MALRD1: variants seen among roughly 807,000 people sequenced by gnomAD.
The protein encoded by MALRD1 is MAM and LDL-receptor class A domain-containing protein 1.
Under a neutral mutation model 242.1 loss-of-function variants are expected in MALRD1, and 247 were observed. The observed-to-expected ratio is 1.02, with a 90% CI of 0.92 to 1.13. The LOEUF is 1.13. Among genes scored for constraint, MALRD1 ranks in the 50% most tolerant of loss-of-function variants. The probability of loss-of-function intolerance (pLI) is 0.00; values close to 1 mark genes in which losing one functional copy is unlikely to be tolerated. For synonymous variants in MALRD1, 995 were observed against 866.6 expected (o/e 1.15, Z -2.60); for missense variants, 2,989 against 2,533.1 (o/e 1.18, Z -3.86).
chr10:19,229,287 A>AT (rs376595070), intron 18 of MALRD1, among the ~76,000 whole-genome samples: 9 of 151,474 alleles, frequency 5.9e-5, no homozygotes, highest in East Asian at 1.9e-4. Flanking sequence ...TTATAGCTTT[A>AT]TTTTTTTTTC....
chr10:19,310,793 T>G (rs1254114612), intron 21 of MALRD1, among the ~76,000 whole-genome samples: 2 of 151,448 alleles, frequency 1.3e-5, no homozygotes, highest in Admixed American at 6.6e-5. Context: ...GAGTTCAAGA[T>G]CAACTTTCCT....
intron 28 of MALRD1, among the ~76,000 whole-genome samples, chr10:19,393,442 A>ATTTTTT (rs71387074): frequency 5.5e-5 from 6 of 110,038 alleles, no homozygotes; most frequent in East Asian, 5.2e-4. Context: ...GATGAGGTTA[A>ATTTTTT]TTTTTTTTTT....
At chr10:19,590,735 A>T (rs539750659) in intron 33 of MALRD1, among the ~76,000 whole-genome samples, 1 of 152,086 alleles carries the variant, frequency 6.6e-6, no homozygotes, top group East Asian at 1.9e-4. Context: ...GTATGTGGAT[A>T]CTTTATATTC....
intron 33 of MALRD1, among the ~76,000 whole-genome samples, chr10:19,588,786 C>A (rs6481990): frequency 0.59 from 89,232 of 151,930 alleles, 26,948 homozygotes; most frequent in African/African-American, 0.75. Flanking sequence ...GGGATTACAG[C>A]CACCCACTAC....
chr10:19,173,843 A>T (rs1462251006), intron 13 of MALRD1, among the ~76,000 whole-genome samples: 1 of 152,166 alleles, frequency 6.6e-6, no homozygotes, highest in African/African-American at 2.4e-5. Flanking sequence ...CTTATTTCTT[A>T]TACAGCATTT....
At chr10:19,195,543 A>G (rs765754950) in intron 14 of MALRD1, among the ~76,000 whole-genome samples, 15 of 152,152 alleles carry the variant, frequency 9.9e-5, no homozygotes, top group Non-Finnish European at 1.6e-4. Flanking sequence ...TGGATGTTTA[A>G]TTGGGATCTT....
intron 31 of MALRD1, among the ~76,000 whole-genome samples, chr10:19,530,385 T>TTTATATA (rs1564417186): frequency 1.2e-5 from 1 of 85,284 alleles, no homozygotes; most frequent in Non-Finnish European, 2.1e-5. Context: ...ATAAATATTA[T>TTTATATA]ATATTTATAT....
In MALRD1 at chr10:19,530,407, ATTT is replaced by A. The variant is rs1296944358; in HGVS notation, c.5321-786_5321-784del. ...TTATATATTTATATAAATATTATATATTTATATAATAATAAATATATAATATAT... is the reference window on the plus strand; with the variant it reads ...TTATATATTTATATAAATATTATATAATATAATAATAAATATATAATATAT... On this transcript the variant is annotated intron_variant, in intron 31 of 39. Transcript: ENST00000454679. 0.024 allele frequency among the ~76,000 whole-genome samples: 352 copies of A among 14,702 alleles called. 25 individuals carry two copies. In the East Asian group the frequency reaches 0.29, roughly 12 times the overall value. 9.6% of individuals were successfully genotyped at this position (14,702 alleles called of 152,430 possible).
chr10:19,283,030 T>A lies in MALRD1; in HGVS notation c.3268T>A (p.Cys1090Ser). Residue 1090 changes from cysteine to serine, a missense_variant, in exon 21 of 40, where the codon TGC (cysteine) becomes AGC (serine). Transcript: ENST00000454679. ...SDEASCVMEV[C>S]SFEKRSLCKW... Reference sequence around the variant, plus strand: ...CTACCCCATCCAAGTTATGGAAGTTTGCAGCTTTGAGAAAAGAAGCCTGTG... The same window carrying A: ...CTACCCCATCCAAGTTATGGAAGTTAGCAGCTTTGAGAAAAGAAGCCTGTG... The A allele has an allele frequency of 1.3e-6, 2 of 1,545,324 alleles. No individual in the cohort carries two copies. Among genetic ancestry groups the A allele is most frequent in the Non-Finnish European group, 1.7e-6 (2 of 1,143,932 alleles).
intron 31 of MALRD1, among the ~76,000 whole-genome samples, chr10:19,509,156 C>T (rs954501102): frequency 6.6e-5 from 10 of 152,048 alleles, no homozygotes; most frequent in African/African-American, 2.4e-4. Context: ...GAATGTTAGA[C>T]AAATTACGTT....
At chr10:19,197,417 A>G (rs1032928629) in intron 14 of MALRD1, among the ~76,000 whole-genome samples, 1 of 152,158 alleles carries the variant, frequency 6.6e-6, no homozygotes, top group Non-Finnish European at 1.5e-5. Context: ...AAAACATCCC[A>G]GTTGGTTCCC....
intron 36 of MALRD1, among the ~76,000 whole-genome samples, chr10:19,637,396 T>A (rs964197803): frequency 6.6e-6 from 1 of 152,186 alleles, no homozygotes; most frequent in African/African-American, 2.4e-5. Flanking sequence ...AAGTATAGAT[T>A]AATCTTAAAT....
chr10:19,327,358 T>G (rs939618712), intron 22 of MALRD1, among the ~76,000 whole-genome samples: 13 of 152,010 alleles, frequency 8.6e-5, no homozygotes, highest in African/African-American at 3.1e-4. Context: ...ATGCACATCT[T>G]TATTGTAGAA....
chr10:19,716,192 T>G (rs977382056), intron 38 of MALRD1, among the ~76,000 whole-genome samples: 6 of 152,218 alleles, frequency 3.9e-5, no homozygotes, highest in Admixed American at 2.6e-4. Flanking sequence ...CACAGATACG[T>G]ATTTTTTAAA....
chr10:19,697,102 C>G (rs964541974), intron 38 of MALRD1, among the ~76,000 whole-genome samples: 1 of 151,846 alleles, frequency 6.6e-6, no homozygotes, highest in Non-Finnish European at 1.5e-5. Context: ...CTGGCTTCTC[C>G]AGAAAAACAC....
At chr10:19,537,814 C>G (rs1381915841) in intron 32 of MALRD1, among the ~76,000 whole-genome samples, 2 of 152,128 alleles carry the variant, frequency 1.3e-5, no homozygotes, top group East Asian at 3.9e-4. Flanking sequence ...GTAGGCCCTA[C>G]CTTCTAATAC....
At chr10:19,278,470 CATCCATCCATCCATCT>C (rs1472049607) in intron 19 of MALRD1, among the ~76,000 whole-genome samples, 8 of 152,102 alleles carry the variant, frequency 5.3e-5, no homozygotes, top group Middle Eastern at 3.4e-3. Flanking sequence ...TCCATCCATC[CATCCATCCATCCATCT>C]ATCCATCCAT....
intron 20 of MALRD1, among the ~76,000 whole-genome samples, chr10:19,282,459 A>G (rs1274726809): frequency 1.3e-5 from 2 of 152,184 alleles, no homozygotes; most frequent in East Asian, 3.8e-4. Flanking sequence ...ACACATGAAC[A>G]CATTCGGAGA....
At chr10:19,288,595 T>G (rs904042654) in intron 21 of MALRD1, among the ~76,000 whole-genome samples, 1 of 152,108 alleles carries the variant, frequency 6.6e-6, no homozygotes, top group Non-Finnish European at 1.5e-5. Context: ...TTCTTTGTTA[T>G]TTATTTTGGT....
Sources: gnomAD v4.1 joint callset for allele counts (sites outside exome capture counted in the v4.1 genomes callset) on GRCh38, gnomAD v4.1.1 for gene constraint, MANE v1.5 for transcripts, NCBI Gene and HGNC (gene_info 2026-07-23, HGNC 2026-07-21) for gene names.